The following ANXA3 variants were observed in gnomAD, a reference collection of about 807,000 sequenced individuals.
ANXA3 encodes the protein annexin A3.
Under a neutral mutation model 48.8 loss-of-function variants are expected in ANXA3, and 46 were observed. The observed-to-expected ratio is 0.94, with a 90% CI of 0.74 to 1.21. ANXA3 has a LOEUF of 1.21. Among genes scored for constraint, ANXA3 ranks in the 50% most tolerant of loss-of-function variants. ANXA3 has a pLI of 0.00. For synonymous variants in ANXA3, 128 were observed against 134.7 expected (o/e 0.95, Z 0.35); for missense variants, 383 against 378.6 (o/e 1.01, Z -0.10).
chr4:78,575,824 C>CT (rs889307289), intron 3 of ANXA3, among the ~76,000 whole-genome samples: 73 of 151,340 alleles, frequency 4.8e-4, no homozygotes, highest in African/African-American at 1.6e-3. Flanking sequence ...TATTCTCCTA[C>CT]TTTTTTTTTC....
chr4:78,554,686 C>G (rs1420190629), intron 2 of ANXA3, among the ~76,000 whole-genome samples, 198 bp downstream of exon 2: 1 of 152,028 alleles, frequency 6.6e-6, no homozygotes, highest in African/African-American at 2.4e-5. Context: ...GTTAAAATAA[C>G]TTATGATGAC....
At chr4:78,564,902 G>A (rs990638492) in intron 2 of ANXA3, among the ~76,000 whole-genome samples, 3 of 152,046 alleles carry the variant, frequency 2.0e-5, no homozygotes, top group Non-Finnish European at 2.9e-5. Context: ...GAAGGTGGTT[G>A]GGCCAAACCA....
At chr4:78,557,039 G>A (rs935926456) in intron 2 of ANXA3, among the ~76,000 whole-genome samples, 2 of 152,220 alleles carry the variant, frequency 1.3e-5, no homozygotes, top group African/African-American at 2.4e-5. Context: ...TGAAGGTGTT[G>A]TTGGGACTGC....
chr4:78,603,062 A>G (rs979290265), intron 11 of ANXA3: 1 of 152,242 alleles, frequency 6.6e-6, no homozygotes. Flanking sequence ...TACCAGGCCA[A>G]TTGGTTCCCT....
intron 2 of ANXA3, 39 bp from the exon 3 acceptor site, chr4:78,573,141 C>T: frequency 7.0e-7 from 1 of 1,437,552 alleles, no homozygotes; most frequent in Non-Finnish European, 9.8e-7. Flanking sequence ...AGAAAGATGT[C>T]ATTTTGAACC....
At chr4:78,587,980 C>A (rs1263838069) in intron 6 of ANXA3, among the ~76,000 whole-genome samples, 5 of 152,148 alleles carry the variant, frequency 3.3e-5, no homozygotes, top group African/African-American at 1.2e-4. Flanking sequence ...CCTGTAGTCC[C>A]AGCTACTCAG....
intron 12 of ANXA3, among the ~76,000 whole-genome samples, chr4:78,605,539 C>G (rs932788326): frequency 6.6e-6 from 1 of 152,104 alleles, no homozygotes; most frequent in African/African-American, 2.4e-5. Context: ...CCAGTCCGTT[C>G]TTTGTCCTTT....
chr4:78,557,485 T>A (rs1202021023), intron 2 of ANXA3, among the ~76,000 whole-genome samples: 1 of 152,154 alleles, frequency 6.6e-6, no homozygotes, highest in East Asian at 1.9e-4. Context: ...GATTATGATG[T>A]ATACATTTTA....
chr4:78,593,351 C>T (rs984520060), intron 7 of ANXA3, among the ~76,000 whole-genome samples: 4 of 151,786 alleles, frequency 2.6e-5, no homozygotes, highest in Non-Finnish European at 4.4e-5. Flanking sequence ...TACAGGCACA[C>T]GCCACCACAC....
At chr4:78,586,465 G>C in intron 6 of ANXA3, 115 bp downstream of exon 6, 1 of 696,202 alleles carries the variant, frequency 1.4e-6, no homozygotes, top group Non-Finnish European at 2.4e-6. Context: ...AAGACTTACA[G>C]AAACGAGAAT....
chr4:78,602,043 C>T (rs952231781), intron 11 of ANXA3: 7 of 152,600 alleles, frequency 4.6e-5, no homozygotes, highest in African/African-American at 1.2e-4. Context: ...GAGTTCAAGA[C>T]CAGCCTGGCC....
intron 2 of ANXA3, among the ~76,000 whole-genome samples, chr4:78,555,199 C>T (rs976919972): frequency 5.9e-5 from 9 of 151,872 alleles, no homozygotes; most frequent in Admixed American, 2.0e-4. Context: ...AGTGAGACTC[C>T]GTCTCAAAAA....
intron 3 of ANXA3, among the ~76,000 whole-genome samples, chr4:78,575,850 T>C (rs1032589104): frequency 3.3e-5 from 5 of 152,236 alleles, no homozygotes; most frequent in African/African-American, 7.2e-5. Context: ...TTTGAAATTT[T>C]ATTTTTCGTA....
rs528447867 is a variant in ANXA3 at position 78,575,399 on chromosome 4, G to A, written c.103+2132G>A. 2.0e-5 allele frequency among the ~76,000 whole-genome samples: 3 copies of A among 152,178 alleles called. No homozygotes were observed. The East Asian group carries it at 5.8e-4, about 29-fold the overall frequency. Reference sequence around the variant, plus strand: ...TCCATAATTCCCACGTGTTGTGGGAGGGACCTGGTGGGAGATGACTGAATC... The same window carrying A: ...TCCATAATTCCCACGTGTTGTGGGAAGGACCTGGTGGGAGATGACTGAATC... On this transcript the variant is annotated intron_variant, in intron 3 of 12. Transcript: ENST00000264908.
At chr4:78,581,112 C>G (rs2109936871) in intron 4 of ANXA3, among the ~76,000 whole-genome samples, 1 of 152,226 alleles carries the variant, frequency 6.6e-6, no homozygotes, top group East Asian at 1.9e-4. Context: ...GCAATTAAAG[C>G]AGAGTTGATA....
chr4:78,594,163 G>T (rs543415694), intron 7 of ANXA3, among the ~76,000 whole-genome samples: 3 of 132,178 alleles, frequency 2.3e-5, no homozygotes, highest in African/African-American at 1.3e-4. Flanking sequence ...GCCATTTCAG[G>T]CAGGCTGGCT....
chr4:78,559,232 C>G (rs1722577581), intron 2 of ANXA3, among the ~76,000 whole-genome samples: 1 of 152,036 alleles, frequency 6.6e-6, no homozygotes, highest in Non-Finnish European at 1.5e-5. Context: ...GGCATGCCCC[C>G]ACCATGCCCA....
chr4:78,600,403 G>T (rs1723509559), intron 10 of ANXA3, among the ~76,000 whole-genome samples: 1 of 152,116 alleles, frequency 6.6e-6, no homozygotes, highest in Admixed American at 6.5e-5. Flanking sequence ...ATGAAAAGAA[G>T]GGATTGTACA....
intron 7 of ANXA3, among the ~76,000 whole-genome samples, chr4:78,592,820 AT>A (rs1267750228): frequency 1.3e-5 from 2 of 152,214 alleles, no homozygotes; most frequent in East Asian, 3.8e-4. Flanking sequence ...TTAGTATTAT[AT>A]TAAGACCGAT....
Sources: gnomAD v4.1 joint callset for allele counts (sites outside exome capture counted in the v4.1 genomes callset) on GRCh38, gnomAD v4.1.1 for gene constraint, MANE v1.5 for transcripts, NCBI Gene and HGNC (gene_info 2026-07-23, HGNC 2026-07-21) for gene names.